CPNE8: variants seen among roughly 807,000 people sequenced by gnomAD.
CPNE8 encodes the protein copine-8.
CPNE8 carries 45 observed loss-of-function variants against 81.5 expected under a neutral mutation model. The observed-to-expected ratio is 0.55, with a 90% confidence interval of 0.44 to 0.71. The LOEUF is 0.71. Among genes scored for constraint, CPNE8 ranks in the 30% least tolerant of loss-of-function variants. CPNE8 has a pLI of 0.00. For synonymous variants in CPNE8, 252 were observed against 226.3 expected (o/e 1.11, Z -1.02); for missense variants, 594 against 672.1 (o/e 0.88, Z 1.28).
At chr12:38,665,497 C>T (rs751196013) in intron 19 of CPNE8, among the ~76,000 whole-genome samples, 2 of 151,570 alleles carry the variant, frequency 1.3e-5, no homozygotes, top group Non-Finnish European at 2.9e-5. Context: ...TTTACCTATT[C>T]GTAAAAATAA....
chr12:38,742,753 C>A (rs1941139829), intron 10 of CPNE8, among the ~76,000 whole-genome samples: 1 of 151,342 alleles, frequency 6.6e-6, no homozygotes, highest in Non-Finnish European at 1.5e-5. Flanking sequence ...TCAGAAATTT[C>A]TTCTGTTGTT....
intron 6 of CPNE8, among the ~76,000 whole-genome samples, chr12:38,796,712 C>T (rs866379515): frequency 3.9e-5 from 6 of 152,020 alleles, no homozygotes; most frequent in Admixed American, 1.3e-4. Flanking sequence ...GTGGGTGGAG[C>T]GCACCATGTC....
chr12:38,816,989 C>G lies in CPNE8; in HGVS notation c.407+12390G>C, dbSNP rs143440014. 1.7e-3 allele frequency among the ~76,000 whole-genome samples: 264 copies of G among 152,318 alleles called. 3 individuals are homozygous for G. Among genetic ancestry groups the G allele is most frequent in the Middle Eastern group, 0.01 (3 of 294 alleles). On this transcript the variant is annotated intron_variant, in intron 6 of 19. Coordinates refer to ENST00000331366, the MANE Select transcript of CPNE8 (RefSeq NM_153634.3). Reference sequence around the variant, plus strand: ...ACCTAAAATGATGCCACAGCCCAATCAAGGCTAAATACTCAAAAGCTTTTT... The same window carrying G: ...ACCTAAAATGATGCCACAGCCCAATGAAGGCTAAATACTCAAAAGCTTTTT...
intron 13 of CPNE8, among the ~76,000 whole-genome samples, chr12:38,706,894 T>C (rs1940120496): frequency 6.6e-6 from 1 of 152,218 alleles, no homozygotes; most frequent in South Asian, 2.1e-4. Context: ...GAAGCACTGG[T>C]TGCAGATACA....
chr12:38,762,359 C>T (rs1295069748), intron 8 of CPNE8, 143 bp from the exon 9 acceptor site: 5 of 411,516 alleles, frequency 1.2e-5, no homozygotes, highest in Admixed American at 8.7e-5. Context: ...GAAAGAGATA[C>T]GTGATTTTAA....
chr12:38,823,492 C>CA (rs1227771986), intron 6 of CPNE8, among the ~76,000 whole-genome samples: 15 of 152,168 alleles, frequency 9.9e-5, no homozygotes, highest in Admixed American at 1.3e-4. Flanking sequence ...TGCCAGCCTA[C>CA]AAAAAACATA....
intron 14 of CPNE8, among the ~76,000 whole-genome samples, chr12:38,695,865 G>A (rs115112907): frequency 0.039 from 5,974 of 152,060 alleles, 418 homozygotes; most frequent in African/African-American, 0.14. Context: ...ACTTGAGTCC[G>A]GGAGGTCAAG....
At chr12:38,710,094 T>C (rs1386510245) in intron 13 of CPNE8, among the ~76,000 whole-genome samples, 1 of 151,794 alleles carries the variant, frequency 6.6e-6, no homozygotes, top group East Asian at 1.9e-4. Context: ...ACTTTGAAGA[T>C]TGATTTCTAT....
intron 13 of CPNE8, among the ~76,000 whole-genome samples, chr12:38,710,558 C>T (rs1386018): frequency 0.33 from 50,391 of 152,078 alleles, 10,003 homozygotes; most frequent in Non-Finnish European, 0.45. Context: ...CTCTCAAGTA[C>T]TTGCACATAG....
At chr12:38,710,423 G>C (rs11169215) in intron 13 of CPNE8, among the ~76,000 whole-genome samples, 1,956 of 152,134 alleles carry the variant, frequency 0.013, 41 homozygotes, top group African/African-American at 0.044. Context: ...TTGAAGCCCA[G>C]AATCACCACT....
intron 13 of CPNE8, 83 bp from the exon 14 acceptor site, chr12:38,703,004 A>C: frequency 3.2e-6 from 3 of 949,088 alleles, no homozygotes; most frequent in Non-Finnish European, 4.8e-6. Flanking sequence ...TATATTTTTT[A>C]ATGTCACTGA....
At chr12:38,809,571 G>A (rs1942892953) in intron 6 of CPNE8, among the ~76,000 whole-genome samples, 1 of 152,160 alleles carries the variant, frequency 6.6e-6, no homozygotes, top group Non-Finnish European at 1.5e-5. Context: ...CAGAGAGTGA[G>A]GATCATGGAG....
chr12:38,719,461 G>C (rs1682124742), intron 13 of CPNE8, among the ~76,000 whole-genome samples: 1 of 151,924 alleles, frequency 6.6e-6, no homozygotes, highest in South Asian at 2.1e-4. Context: ...AAATTAGCTG[G>C]GCGTGGTGGC....
intron 1 of CPNE8, among the ~76,000 whole-genome samples, chr12:38,887,227 G>A (rs1944249376): frequency 6.6e-6 from 1 of 152,142 alleles, no homozygotes; most frequent in South Asian, 2.1e-4. Context: ...AGACAGATAG[G>A]AAGAGGGGTA....
At chr12:38,769,211 T>C (rs892018212) in intron 7 of CPNE8, among the ~76,000 whole-genome samples, 8 of 152,180 alleles carry the variant, frequency 5.3e-5, no homozygotes, top group African/African-American at 1.9e-4. Flanking sequence ...AAAGTATTGG[T>C]ATAGTATTAT....
At chr12:38,831,320 CA>C (rs1232348844) in intron 5 of CPNE8, among the ~76,000 whole-genome samples, 1 of 152,108 alleles carries the variant, frequency 6.6e-6, no homozygotes, top group East Asian at 1.9e-4. Flanking sequence ...AGCCTTTCAC[CA>C]ATTCAGGGAC....
At chr12:38,752,279 C>T (rs576148310) in intron 10 of CPNE8, among the ~76,000 whole-genome samples, 5 of 152,224 alleles carry the variant, frequency 3.3e-5, no homozygotes, top group Admixed American at 2.0e-4. Context: ...CTGCAAGGTT[C>T]GGGTTGTAGT....
intron 7 of CPNE8, among the ~76,000 whole-genome samples, chr12:38,775,232 C>A (rs1941905666): frequency 6.6e-6 from 1 of 152,122 alleles, no homozygotes; most frequent in Non-Finnish European, 1.5e-5. Context: ...AGTGATCCTC[C>A]CACCTTGGCC....
At chr12:38,669,391 CTTTT>C (rs1407147285) in intron 19 of CPNE8, among the ~76,000 whole-genome samples, 1 of 151,866 alleles carries the variant, frequency 6.6e-6, no homozygotes, top group African/African-American at 2.4e-5. Context: ...ATTTGTTGTT[CTTTT>C]GTCTAAGAGT....
Sources: gnomAD v4.1 joint callset for allele counts (sites outside exome capture counted in the v4.1 genomes callset) on GRCh38, gnomAD v4.1.1 for gene constraint, MANE v1.5 for transcripts, NCBI Gene and HGNC (gene_info 2026-07-23, HGNC 2026-07-21) for gene names.